Variants in TSHZ2 observed in about 807,000 individuals in gnomAD.
TSHZ2 encodes the protein teashirt homolog 2.
A neutral mutation model predicts 74.4 loss-of-function variants in TSHZ2; 21 were observed. The observed-to-expected ratio is 0.28, with a 90% CI of 0.20 to 0.41. TSHZ2 has a LOEUF of 0.41. TSHZ2 is among the 10% of genes least tolerant of loss of function. TSHZ2 has a pLI of 1.00. For missense variants in TSHZ2, 1,244 were observed against 1,293.5 expected, an observed-to-expected ratio of 0.96 and a Z score of 0.59; for synonymous variants, 540 against 515.3, an observed-to-expected ratio of 1.05 and a Z score of -0.65.
chr20:53,414,407 C>A (rs1176001880), intron 2 of TSHZ2, among the ~76,000 whole-genome samples: 1 of 152,076 alleles, frequency 6.6e-6, no homozygotes, highest in Non-Finnish European at 1.5e-5. Context: ...ATTGCTTGAG[C>A]CCAGGAGTTT....
chr20:53,297,004 G>A (rs989147583), intron 2 of TSHZ2, among the ~76,000 whole-genome samples: 2 of 152,226 alleles, frequency 1.3e-5, no homozygotes, highest in Admixed American at 1.3e-4. Context: ...CTTCAAGGTA[G>A]AGAAAGTCAC....
At chr20:53,345,108 G>C (rs1242829562) in intron 2 of TSHZ2, among the ~76,000 whole-genome samples, 1 of 152,246 alleles carries the variant, frequency 6.6e-6, no homozygotes, top group Non-Finnish European at 1.5e-5. Flanking sequence ...GAAGTGGTCA[G>C]GGAAGCCTCC....
Position 53,252,862 on chromosome 20 carries a change from A to G in TSHZ2, c.41-637A>G, listed in dbSNP as rs541065334. 4.6e-5 allele frequency among the ~76,000 whole-genome samples: 7 copies of G among 152,312 alleles called. No homozygotes were observed. The East Asian group carries it at 1.3e-3, about 29-fold the overall frequency. On this transcript the variant is annotated intron_variant, in intron 1 of 2. Coordinates refer to ENST00000371497, the MANE Select transcript of TSHZ2 (RefSeq NM_173485.6). Reference sequence around the variant, plus strand: ...GTCATTATATTTGCTGAGCTTATATAATTTTTCAACTATCAACAGAAGATT... The same window carrying G: ...GTCATTATATTTGCTGAGCTTATATGATTTTTCAACTATCAACAGAAGATT...
At chr20:52,986,704 G>C (rs745861922) in intron 1 of TSHZ2, among the ~76,000 whole-genome samples, 1 of 152,062 alleles carries the variant, frequency 6.6e-6, no homozygotes, top group Admixed American at 6.5e-5. Flanking sequence ...ACTCCAGCCT[G>C]GGCAACAGAG....
chr20:53,007,078 A>G (rs958700844), intron 1 of TSHZ2, among the ~76,000 whole-genome samples: 4 of 152,172 alleles, frequency 2.6e-5, no homozygotes, highest in Non-Finnish European at 4.4e-5. Flanking sequence ...CTGCAAGAGT[A>G]AAGGCTGCTA....
chr20:53,473,598 G>A (rs563644789), intron 2 of TSHZ2, among the ~76,000 whole-genome samples: 19 of 146,676 alleles, frequency 1.3e-4, no homozygotes, highest in African/African-American at 3.3e-4. Context: ...AACGCAGAGC[G>A]CCTCTCCTCC....
intron 1 of TSHZ2, among the ~76,000 whole-genome samples, chr20:53,063,463 G>C (rs978582921): frequency 4.6e-5 from 7 of 152,068 alleles, no homozygotes; most frequent in African/African-American, 1.4e-4. Flanking sequence ...ATAAATTATG[G>C]ACAATTTAAA....
intron 2 of TSHZ2, among the ~76,000 whole-genome samples, chr20:53,485,285 A>G (rs1986263279): frequency 6.6e-6 from 1 of 152,252 alleles, no homozygotes; most frequent in Admixed American, 6.5e-5. Context: ...ACATTATCGT[A>G]GTATCATAAA....
At chr20:53,112,969 C>T (rs1157308969) in intron 1 of TSHZ2, among the ~76,000 whole-genome samples, 1 of 152,160 alleles carries the variant, frequency 6.6e-6, no homozygotes. Flanking sequence ...AAGGACAGGG[C>T]AAGGGTGGAA....
In TSHZ2 at chr20:53,490,993, T is replaced by G. The variant is rs1454432062; in HGVS notation, c.*3858T>G. ...TTCCATCTGTCACTTCTCAGGTTAT[T>G]TGACTGTGTTCAAACCTTCTTTTCT... On this transcript the variant is annotated 3_prime_UTR_variant, in exon 3 of 3. Transcript: ENST00000371497. The G allele has an allele frequency of 6.6e-6, 1 of 152,164 alleles. No individual in the cohort carries two copies. The highest frequency in any genetic ancestry group is 1.5e-5 in the Non-Finnish European group (1 of 68,020). 9.4% of individuals were successfully genotyped at this position (152,164 alleles called of 1,614,324 possible).
In TSHZ2 at chr20:53,188,331, C is replaced by A. The variant is rs559003152; in HGVS notation, c.41-65168C>A. 4.6e-5 allele frequency among the ~76,000 whole-genome samples: 7 copies of A among 152,296 alleles called. No individual in the cohort carries two copies. In the East Asian group the frequency reaches 1.2e-3, roughly 25 times the overall value. On this transcript the variant is annotated intron_variant, in intron 1 of 2. Coordinates refer to ENST00000371497, the MANE Select transcript of TSHZ2 (RefSeq NM_173485.6). ...GCGCCTGACATGAATCTGCTCCTAACTGGGAGTCGATCAAGTTATTTTCAG... is the reference window on the plus strand; with the variant it reads ...GCGCCTGACATGAATCTGCTCCTAAATGGGAGTCGATCAAGTTATTTTCAG...
At chr20:53,050,873 G>A (rs1984432778) in intron 1 of TSHZ2, among the ~76,000 whole-genome samples, 1 of 152,134 alleles carries the variant, frequency 6.6e-6, no homozygotes, top group South Asian at 2.1e-4. Context: ...ATAGGATGTT[G>A]GTAGAAGCCA....
chr20:53,251,344 A>G (rs1216403521), intron 1 of TSHZ2, among the ~76,000 whole-genome samples: 1 of 152,180 alleles, frequency 6.6e-6, no homozygotes, highest in Non-Finnish European at 1.5e-5. Flanking sequence ...TTATTTTATC[A>G]TTTGTTATTT....
At chr20:53,184,539 A>G (rs1988557533) in intron 1 of TSHZ2, among the ~76,000 whole-genome samples, 1 of 152,234 alleles carries the variant, frequency 6.6e-6, no homozygotes, top group African/African-American at 2.4e-5. Context: ...AAAAACATCC[A>G]TCACCCAAAG....
intron 2 of TSHZ2, among the ~76,000 whole-genome samples, chr20:53,304,628 C>CTTGTTTGTTTGTTTGT (rs142498857): frequency 1.2e-4 from 18 of 150,938 alleles, no homozygotes; most frequent in African/African-American, 3.7e-4. Flanking sequence ...TGTTTGTTTC[C>CTTGTTTGTTTGTTTGT]TTGTTTGTTT....
chr20:53,269,937 T>TA (rs1291680524), intron 2 of TSHZ2, among the ~76,000 whole-genome samples: 1 of 152,208 alleles, frequency 6.6e-6, no homozygotes, highest in Non-Finnish European at 1.5e-5. Flanking sequence ...TTAATCCTTT[T>TA]TTATATAAAA....
chr20:53,283,109 C>T (rs1353345447), intron 2 of TSHZ2, among the ~76,000 whole-genome samples: 3 of 152,178 alleles, frequency 2.0e-5, no homozygotes, highest in Admixed American at 6.5e-5. Context: ...AGTGTTATCT[C>T]ATTATTCCCT....
chr20:53,285,028 G>T (rs921978072), intron 2 of TSHZ2, among the ~76,000 whole-genome samples: 3 of 152,070 alleles, frequency 2.0e-5, no homozygotes, highest in Admixed American at 2.0e-4. Context: ...AAGCTGTTCA[G>T]CAGAGTCAGA....
intron 1 of TSHZ2, among the ~76,000 whole-genome samples, chr20:53,021,809 G>A (rs1482294371): frequency 6.6e-6 from 1 of 152,148 alleles, no homozygotes; most frequent in African/African-American, 2.4e-5. Flanking sequence ...TCTATGTTAA[G>A]TAACACTGAT....
Sources: gnomAD v4.1 joint callset for allele counts (sites outside exome capture counted in the v4.1 genomes callset) on GRCh38, gnomAD v4.1.1 for gene constraint, MANE v1.5 for transcripts, NCBI Gene and HGNC (gene_info 2026-07-23, HGNC 2026-07-21) for gene names.